The following SLC6A13 variants were observed in gnomAD, a reference collection of about 807,000 sequenced individuals.
The protein encoded by SLC6A13 is sodium- and chloride-dependent GABA transporter 2.
In SLC6A13, 69 loss-of-function variants were observed where a neutral mutation model predicts 72.9. The ratio of observed to expected loss-of-function variants is 0.95; its 90% CI spans 0.78 to 1.16. The LOEUF (loss-of-function observed/expected upper bound fraction) is 1.16. SLC6A13 is among the 50% of genes most tolerant of loss of function. SLC6A13 has a pLI of 0.00. For missense variants in SLC6A13, 735 were observed against 760.5 expected (o/e 0.97, Z 0.39); for synonymous variants, 303 against 303.0 (o/e 1.00, Z 0.00).
At chr12:241,473 G>T (rs1202641966) in intron 4 of SLC6A13, among the ~76,000 whole-genome samples, 3 of 152,084 alleles carry the variant, frequency 2.0e-5, no homozygotes, top group Non-Finnish European at 4.4e-5. Context: ...CATGCCGTCC[G>T]ACAGGGCAGC....
At chr12:234,455 T>C (rs1239985124) in intron 7 of SLC6A13, among the ~76,000 whole-genome samples, 1 of 152,054 alleles carries the variant, frequency 6.6e-6, no homozygotes, top group Non-Finnish European at 1.5e-5. Flanking sequence ...GCCTATGGAG[T>C]AGCCATTCTT....
At chr12:235,367 T>C (rs1941889520) in intron 6 of SLC6A13, 143 bp from the exon 7 acceptor site, 1 of 799,486 alleles carries the variant, frequency 1.3e-6, no homozygotes, top group African/African-American at 1.7e-5. Context: ...CCACAGCTGT[T>C]TAGTTCTGTT....
At chr12:236,257 C>T (rs759499843) in intron 6 of SLC6A13, among the ~76,000 whole-genome samples, 5 of 152,154 alleles carry the variant, frequency 3.3e-5, no homozygotes, top group Non-Finnish European at 5.9e-5. Context: ...TGTTCTTACA[C>T]CCCCTCCCCT....
intron 2 of SLC6A13, among the ~76,000 whole-genome samples, chr12:247,932 C>A (rs1942409539): frequency 6.6e-6 from 1 of 151,232 alleles, no homozygotes. Context: ...AAGTTTAAAA[C>A]AATCAGTAAA....
Position 222,588 on chromosome 12 carries a change from T to C in SLC6A13, c.1459A>G (p.Arg487Gly). Residue 487 changes from arginine to glycine, a missense_variant, in exon 13 of 15, where the codon AGG becomes GGG. By Grantham distance (125) the Arg-to-Gly change is moderately radical. Coordinates refer to ENST00000343164, the MANE Select transcript of SLC6A13 (RefSeq NM_016615.5). ...YDNIEDMIGY[R>G]PWPLIKYCWL... ...CAGTATTTGATAAGAGGCCATGGCC[T>C]GTACCCAATCATGTCTTCGATGTTG... 1 of 1,611,012 alleles carries C rather than the reference T, an allele frequency of 6.2e-7. No individual in the cohort carries two copies. Among genetic ancestry groups the C allele is most frequent in the Non-Finnish European group, 8.5e-7 (1 of 1,178,448 alleles).
chr12:261,968 T>TATGTTTATCTG (rs1410944361), intron 1 of SLC6A13, among the ~76,000 whole-genome samples: 1 of 151,644 alleles, frequency 6.6e-6, no homozygotes, highest in Non-Finnish European at 1.5e-5. Flanking sequence ...AGCAGGCATC[T>TATGTTTATCTG]ATGTTTATCT....
chr12:237,356 G>A, intron 5 of SLC6A13, 66 bp from the exon 6 acceptor site: 1 of 1,572,330 alleles, frequency 6.4e-7, no homozygotes, highest in East Asian at 2.2e-5. Context: ...GCCCCGTCCT[G>A]GGACAGTGGA....
At chr12:221,259 G>C (rs1941196268) in intron 14 of SLC6A13, 117 bp downstream of exon 14, 1 of 1,312,810 alleles carries the variant, frequency 7.6e-7, no homozygotes, top group African/African-American at 1.5e-5. Context: ...CTGACACCCA[G>C]GCTGGGCCCA....
chr12:227,925 C>A (rs1480108615), intron 7 of SLC6A13, among the ~76,000 whole-genome samples: 4 of 152,120 alleles, frequency 2.6e-5, no homozygotes, highest in Non-Finnish European at 5.9e-5. Context: ...GACTAAAAGA[C>A]CCATGGTGGA....
intron 8 of SLC6A13, 172 bp from the exon 9 acceptor site, chr12:226,686 G>T (rs1397445495): frequency 1.4e-6 from 1 of 691,672 alleles, no homozygotes; most frequent in African/African-American, 1.8e-5. Context: ...CAAAGCACTG[G>T]CTCTCCTCCG....
At chr12:260,829 A>G (rs1264280621) in intron 1 of SLC6A13, among the ~76,000 whole-genome samples, 1 of 152,226 alleles carries the variant, frequency 6.6e-6, no homozygotes, top group Non-Finnish European at 1.5e-5. Flanking sequence ...TTCTTTCAGC[A>G]GTTGGGTTAT....
intron 11 of SLC6A13, among the ~76,000 whole-genome samples, chr12:223,548 G>A (rs1236853891): frequency 6.6e-6 from 1 of 152,078 alleles, no homozygotes; most frequent in Non-Finnish European, 1.5e-5. Flanking sequence ...AAAGGATCAG[G>A]ATAAGGGCTG....
At chr12:235,002 T>C in intron 7 of SLC6A13, 88 bp downstream of exon 7, 1 of 1,494,420 alleles carries the variant, frequency 6.7e-7, no homozygotes, top group South Asian at 1.2e-5. Context: ...TAGTGCTAGG[T>C]GCGGGGGTTC....
At chr12:226,067 C>T (rs942626008) in intron 9 of SLC6A13, among the ~76,000 whole-genome samples, 12 of 152,032 alleles carry the variant, frequency 7.9e-5, no homozygotes, top group Non-Finnish European at 5.9e-5. Context: ...ATATGTATTG[C>T]ATGTATATGT....
intron 6 of SLC6A13, chr12:236,800 AT>A (rs1030073060): frequency 6.0e-6 from 1 of 165,296 alleles, no homozygotes; most frequent in African/African-American, 2.4e-5. Flanking sequence ...TCTTGAGTTG[AT>A]TAAGAATCAT....
At chr12:257,262 C>T (rs1239985958) in intron 2 of SLC6A13, 1 of 152,148 alleles carries the variant, frequency 6.6e-6, no homozygotes. Flanking sequence ...CCTTGATCAG[C>T]CCGCTTACCT....
Position 221,487 on chromosome 12 carries a change from C to T in SLC6A13, c.1575G>A (p.Thr525=), listed in dbSNP as rs750375954. The change falls in exon 14 of 15, where the codon ACG becomes ACA. Residue 525 remains threonine (T), a synonymous_variant. Transcript: ENST00000343164. The stretch of plus-strand genomic sequence containing the variant: ...CCAGGGCATCGCCCCACCACGGGTA[C>T]GTGTACTTCTTGTTGTAGGTCAGCG... ...YTPLTYNKKY[T]YPWWGDALGW... is the part of the protein sequence containing the mutation. 8.7e-6 allele frequency: 14 copies of T among 1,613,092 alleles called. No homozygotes were observed. Among genetic ancestry groups the T allele is most frequent in the Admixed American group, 1.7e-5 (1 of 59,896 alleles).
chr12:226,776 A>C, intron 8 of SLC6A13: 1 of 335,404 alleles, frequency 3.0e-6, no homozygotes, highest in Non-Finnish European at 5.6e-6. Context: ...GAAGCAAAAC[A>C]TGGATCTAGA....
At chr12:246,866 G>A (rs2137303578) in intron 2 of SLC6A13, among the ~76,000 whole-genome samples, 1 of 152,108 alleles carries the variant, frequency 6.6e-6, no homozygotes, top group East Asian at 1.9e-4. Flanking sequence ...AAATTAGCTG[G>A]GTGTGGTGGT....
Sources: allele counts gnomAD v4.1 joint callset (sites outside exome capture counted in the v4.1 genomes callset), GRCh38; gene constraint gnomAD v4.1.1; transcripts MANE v1.5; gene names NCBI Gene and HGNC (gene_info 2026-07-23, HGNC 2026-07-21).